The following AGAP1 variants were observed in gnomAD, a reference collection of about 807,000 sequenced individuals.
The protein encoded by AGAP1 is arf-GAP with GTPase, ANK repeat and PH domain-containing protein 1.
In AGAP1, 29 loss-of-function variants were observed where a neutral mutation model predicts 105.3. That is an observed-to-expected ratio of 0.28 (90% confidence interval 0.21 to 0.38). The LOEUF is 0.38. Ranked by LOEUF, AGAP1 falls within the 10% of genes least tolerant of loss-of-function variation. The probability of loss-of-function intolerance (pLI) is 1.00; values close to 1 mark genes in which losing one functional copy is unlikely to be tolerated. For synonymous variants in AGAP1, 509 were observed against 485.9 expected (o/e 1.05, Z -0.63); for missense variants, 998 against 1,165.1 (o/e 0.86, Z 2.09).
intron 9 of AGAP1, among the ~76,000 whole-genome samples, chr2:235,862,427 T>C (rs1248464681): frequency 6.6e-6 from 1 of 152,226 alleles, no homozygotes; most frequent in African/African-American, 2.4e-5. Context: ...GGAATGTTTC[T>C]GGAGATCAGG....
At chr2:235,783,593 C>T (rs1021056868) in intron 6 of AGAP1, among the ~76,000 whole-genome samples, 14 of 152,234 alleles carry the variant, frequency 9.2e-5, no homozygotes, top group Admixed American at 7.8e-4. Flanking sequence ...TGGACGTACC[C>T]ACAAAACATT....
chr2:235,770,051 A>T (rs1955297953), intron 6 of AGAP1, among the ~76,000 whole-genome samples: 1 of 152,230 alleles, frequency 6.6e-6, no homozygotes, highest in South Asian at 2.1e-4. Context: ...AAACTGTAAG[A>T]CAGCAAGTAA....
intron 13 of AGAP1, among the ~76,000 whole-genome samples, chr2:236,032,388 T>A (rs1025696753): frequency 1.3e-5 from 2 of 152,010 alleles, no homozygotes; most frequent in Non-Finnish European, 2.9e-5. Flanking sequence ...TCTGGGTGAG[T>A]CTTCAGGGTG....
In AGAP1 at chr2:235,906,270, C is replaced by A. The variant is rs561182345; in HGVS notation, c.1156-2468C>A. Among the ~76,000 whole-genome samples, 1 of 152,208 alleles carries A rather than the reference C, an allele frequency of 6.6e-6. No individual in the cohort carries two copies. Among genetic ancestry groups the A allele is most frequent in the Non-Finnish European group, 1.5e-5 (1 of 68,042 alleles). ...CCTGGATAGCCTGTCTGTCCTTTGCCGGGGAATGCCCGGCCTTGCCCCTGC... is the reference window on the plus strand; with the variant it reads ...CCTGGATAGCCTGTCTGTCCTTTGCAGGGGAATGCCCGGCCTTGCCCCTGC... On this transcript the variant is annotated intron_variant, in intron 10 of 17. Coordinates refer to ENST00000304032, the MANE Select transcript of AGAP1 (RefSeq NM_001037131.3). This position sits in a 1 kb window ranked among gnomAD's most constrained non-coding sequence, Gnocchi z 5.3.
rs760804235 is a variant in AGAP1 at position 235,799,570 on chromosome 2, C to T, written c.957+48C>T. 4 of 1,596,116 alleles carry T rather than the reference C, an allele frequency of 2.5e-6. No individual in the cohort carries two copies. Among genetic ancestry groups the T allele is most frequent in the Non-Finnish European group, 2.6e-6 (3 of 1,166,682 alleles). On this transcript the variant is annotated intron_variant, in intron 8 of 17. Transcript: ENST00000304032. The surrounding 1 kb of genome is among the most constrained non-coding windows in gnomAD (Gnocchi z 5.0). ...GATTTGAATGCGATTCCGAAGCGTT[C>T]CCATTAACGTAAACCTGGTTGCCAC... is the stretch of plus-strand genomic sequence containing the variant.
At chr2:235,990,264 A>T (rs548309715) in intron 13 of AGAP1, among the ~76,000 whole-genome samples, 1 of 152,134 alleles carries the variant, frequency 6.6e-6, no homozygotes, top group East Asian at 1.9e-4. Flanking sequence ...TAAAGCACCC[A>T]TCTCTCTCCA....
At chr2:235,767,144 C>T (rs1354810981) in intron 6 of AGAP1, among the ~76,000 whole-genome samples, 1 of 152,102 alleles carries the variant, frequency 6.6e-6, no homozygotes, top group African/African-American at 2.4e-5. Context: ...CTCCTGACCT[C>T]AGGTGATCTG....
chr2:236,094,718 G>C (rs1030364381), intron 16 of AGAP1, among the ~76,000 whole-genome samples: 2 of 151,976 alleles, frequency 1.3e-5, no homozygotes, highest in Non-Finnish European at 2.9e-5. Flanking sequence ...CATGAAATTT[G>C]TGGACTGTAT....
intron 13 of AGAP1, among the ~76,000 whole-genome samples, chr2:236,032,149 A>G (rs1192993268): frequency 6.6e-6 from 1 of 152,180 alleles, no homozygotes; most frequent in Non-Finnish European, 1.5e-5. Flanking sequence ...TTTATCTGCT[A>G]TCCCCCAAAA....
At chr2:236,115,752 C>A (rs914996658) in intron 16 of AGAP1, among the ~76,000 whole-genome samples, 1 of 152,202 alleles carries the variant, frequency 6.6e-6, no homozygotes, top group Admixed American at 6.5e-5. Context: ...TCCGAGAAAA[C>A]ACTGAAATAT....
chr2:235,896,908 T>C (rs948675540), intron 10 of AGAP1, among the ~76,000 whole-genome samples: 4 of 152,192 alleles, frequency 2.6e-5, no homozygotes, highest in Non-Finnish European at 4.4e-5. Context: ...TCTTTCTTTG[T>C]TTTATATACC....
Position 235,854,574 on chromosome 2 carries a change from G to A in AGAP1, c.1051-28771G>A, listed in dbSNP as rs537188080. Among the ~76,000 whole-genome samples, 173 of 152,350 alleles carry A rather than the reference G, an allele frequency of 1.1e-3. 1 individual carries two copies. The highest frequency in any genetic ancestry group is 3.9e-3 in the African/African-American group (161 of 41,592). On this transcript the variant is annotated intron_variant, in intron 9 of 17. Coordinates refer to ENST00000304032, the MANE Select transcript of AGAP1 (RefSeq NM_001037131.3). ...AGCTCTACAGCAGGCCCATTTCAGCGCATTATAGGAAACCAGAGGCTTTAA... is the reference window on the plus strand; with the variant it reads ...AGCTCTACAGCAGGCCCATTTCAGCACATTATAGGAAACCAGAGGCTTTAA...
At chr2:235,637,867 C>T (rs565683219) in intron 1 of AGAP1, among the ~76,000 whole-genome samples, 4 of 152,194 alleles carry the variant, frequency 2.6e-5, no homozygotes, top group African/African-American at 9.6e-5. Context: ...CTCTGATGTC[C>T]GAGTGCAGGA....
At chr2:236,097,943 C>G (rs1397072899) in intron 16 of AGAP1, among the ~76,000 whole-genome samples, 3 of 152,206 alleles carry the variant, frequency 2.0e-5, no homozygotes, top group Non-Finnish European at 4.4e-5. Context: ...ACTTACTTCA[C>G]TAGCAGAGTG....
chr2:235,868,512 C>T (rs1038324206), intron 9 of AGAP1, among the ~76,000 whole-genome samples: 4 of 152,108 alleles, frequency 2.6e-5, no homozygotes, highest in African/African-American at 9.7e-5. Flanking sequence ...TCCATCACCC[C>T]GTAGGAGCTT....
At chr2:235,987,960 T>C (rs1191316924) in intron 13 of AGAP1, among the ~76,000 whole-genome samples, 1 of 152,208 alleles carries the variant, frequency 6.6e-6, no homozygotes, top group Non-Finnish European at 1.5e-5. Context: ...AAAAATATTG[T>C]TGCTTTTTCC....
intron 1 of AGAP1, among the ~76,000 whole-genome samples, chr2:235,543,583 C>T (rs879535007): frequency 3.3e-5 from 5 of 152,178 alleles, no homozygotes; most frequent in Admixed American, 6.5e-5. Flanking sequence ...GGTGTTTCCC[C>T]GGCCTCTCCC....
Position 236,042,465 on chromosome 2 carries a change from G to C in AGAP1, c.1891+1624G>C, listed in dbSNP as rs185798170. 6.6e-6 allele frequency among the ~76,000 whole-genome samples: 1 copy of C among 152,192 alleles called. No individual in the cohort carries two copies. Among genetic ancestry groups the C allele is most frequent in the Non-Finnish European group, 1.5e-5 (1 of 68,030 alleles). On this transcript the variant is annotated intron_variant, in intron 15 of 17. Coordinates refer to ENST00000304032, the MANE Select transcript of AGAP1 (RefSeq NM_001037131.3). This position sits in a 1 kb window ranked among gnomAD's most constrained non-coding sequence, Gnocchi z 5.6. ...TCAAATGTGTGGTGAAATGAAGTTCGAAGAGAGAAGCAGTTATTTGAAGTG... is the reference window on the plus strand; with the variant it reads ...TCAAATGTGTGGTGAAATGAAGTTCCAAGAGAGAAGCAGTTATTTGAAGTG...
intron 1 of AGAP1, among the ~76,000 whole-genome samples, chr2:235,678,056 C>T (rs950662652): frequency 4.0e-5 from 6 of 151,368 alleles, no homozygotes; most frequent in Non-Finnish European, 4.4e-5. Flanking sequence ...GCTGCCGCCT[C>T]AGGAGCGGGC....
Sources: gnomAD v4.1 joint callset for allele counts (sites outside exome capture counted in the v4.1 genomes callset) on GRCh38, gnomAD v4.1.1 for gene constraint, Gnocchi (gnomAD v3.1) non-coding constraint, MANE v1.5 for transcripts, NCBI Gene and HGNC (gene_info 2026-07-23, HGNC 2026-07-21) for gene names.